Variants in CSMD2 observed in about 807,000 individuals in gnomAD.
CSMD2 encodes the protein CUB and Sushi multiple domains 2.
Under a neutral mutation model 398.5 loss-of-function variants are expected in CSMD2, and 130 were observed. The ratio of observed to expected loss-of-function variants is 0.33; its 90% confidence interval spans 0.28 to 0.38. The LOEUF (loss-of-function observed/expected upper bound fraction) is 0.38, where lower values mean the gene tolerates loss of function less well. Ranked by LOEUF, CSMD2 falls within the 10% of genes least tolerant of loss-of-function variation. The probability of loss-of-function intolerance (pLI) is 1.00; values close to 1 mark genes in which losing one functional copy is unlikely to be tolerated. For synonymous variants in CSMD2, 1,828 were observed against 1,908.5 expected (o/e 0.96, Z 1.10); for missense variants, 3,829 against 4,764.9 (o/e 0.80, Z 5.78).
intron 3 of CSMD2, among the ~76,000 whole-genome samples, chr1:33,941,095 G>C (rs1165320078): frequency 6.6e-6 from 1 of 152,154 alleles, no homozygotes; most frequent in Non-Finnish European, 1.5e-5. Flanking sequence ...TGAAGAGGGG[G>C]ATATTTACAT....
At position 33,820,501 on chromosome 1, in the gene CSMD2, G is replaced by T. The variant is rs370581773; in HGVS notation, c.1167C>A (p.Pro389=). The T allele has an allele frequency of 1.6e-5, 26 of 1,608,864 alleles. No individual in the cohort carries two copies. The highest frequency in any genetic ancestry group is 2.2e-5 in the Non-Finnish European group (26 of 1,177,610). The change falls in exon 8 of 71, where the codon CCC becomes CCA. Residue 389 remains proline (P), a synonymous_variant. Transcript: ENST00000373381. ...CCGAGCCTAGTCTTTTGCCCCTTTC[G>T]GGTATGCCAGGGTCTGGACACATAT... ...GHNMCPDPGI[P]ERGKRLGSDF...
chr1:33,772,579 T>A lies in CSMD2; in HGVS notation c.1836A>T (p.Pro612=). The A allele has an allele frequency of 6.2e-7, 1 of 1,613,466 alleles. No homozygotes were observed. The highest frequency in any genetic ancestry group is 1.1e-5 in the South Asian group (1 of 91,044). The change falls in exon 13 of 71, where the codon CCA becomes CCT. Residue 612 remains proline, a synonymous_variant. Transcript: ENST00000373381. Reference sequence around the variant, plus strand: ...TCCCTGCTCACTTACACACGCAGCCTGGCTTCTTAGCCGACCATTGGTTAT... The same window carrying A: ...TCCCTGCTCACTTACACACGCAGCCAGGCTTCTTAGCCGACCATTGGTTAT... ...QKNNQWSAKK[P]GCVFSCFFNF...
intron 44 of CSMD2, chr1:33,592,379 T>A (rs1639519488): frequency 2.8e-6 from 2 of 715,426 alleles, no homozygotes; most frequent in African/African-American, 3.5e-5. Context: ...AACATCTGAT[T>A]GCCCCTGCTG....
At chr1:33,819,336 C>T (rs1187098000) in intron 9 of CSMD2, among the ~76,000 whole-genome samples, 2 of 152,152 alleles carry the variant, frequency 1.3e-5, no homozygotes, top group Admixed American at 1.3e-4. Context: ...GTTCAAGATG[C>T]ATGTGTGTTG....
intron 13 of CSMD2, among the ~76,000 whole-genome samples, chr1:33,765,047 G>A (rs1303648739): frequency 2.6e-5 from 4 of 152,178 alleles, no homozygotes; most frequent in Admixed American, 6.5e-5. Context: ...AGAAAACCAT[G>A]GAGCTGTTAT....
chr1:33,586,879 A>T (rs1557580168), intron 45 of CSMD2, among the ~76,000 whole-genome samples: 1 of 152,232 alleles, frequency 6.6e-6, no homozygotes, highest in African/African-American at 2.4e-5. Flanking sequence ...ACTTGAACCA[A>T]AAAAAGAAAA....
intron 1 of CSMD2, among the ~76,000 whole-genome samples, chr1:34,136,212 C>T (rs1426916061): frequency 3.3e-5 from 5 of 152,174 alleles, no homozygotes; most frequent in African/African-American, 7.2e-5. Context: ...TTTCACTGAA[C>T]TGGTGACTTT....
At chr1:33,927,039 A>G (rs940359975) in intron 4 of CSMD2, among the ~76,000 whole-genome samples, 9 of 152,310 alleles carry the variant, frequency 5.9e-5, no homozygotes, top group African/African-American at 2.2e-4. Context: ...AGGACCCCTC[A>G]GCCTCTGTGG....
At chr1:33,539,807 T>TA (rs1656161781) in intron 60 of CSMD2, among the ~76,000 whole-genome samples, 3 of 152,218 alleles carry the variant, frequency 2.0e-5, no homozygotes. Flanking sequence ...TTGCACCAAA[T>TA]ACCTGTGTCC....
chr1:34,053,915 T>C (rs969136862), intron 2 of CSMD2, among the ~76,000 whole-genome samples: 1 of 152,196 alleles, frequency 6.6e-6, no homozygotes, highest in African/African-American at 2.4e-5. Flanking sequence ...AATAGGGCTC[T>C]AGCAGCCTGC....
intron 44 of CSMD2, among the ~76,000 whole-genome samples, chr1:33,587,815 C>T (rs1639187181): frequency 6.6e-6 from 1 of 152,170 alleles, no homozygotes. Context: ...ATGCTATTTA[C>T]TGAGGCTAAG....
At chr1:34,122,408 C>G (rs1395354484) in intron 1 of CSMD2, among the ~76,000 whole-genome samples, 1 of 152,124 alleles carries the variant, frequency 6.6e-6, no homozygotes, top group Non-Finnish European at 1.5e-5. Context: ...TGGGCTGCGT[C>G]CAAGAGTAGC....
chr1:34,070,620 A>G lies in CSMD2; in HGVS notation c.404+18357T>C, dbSNP rs147077168. On this transcript the variant is annotated intron_variant, in intron 2 of 70. Coordinates refer to ENST00000373381, the MANE Select transcript of CSMD2 (RefSeq NM_001281956.2). Reference sequence around the variant, plus strand: ...TTGAGAGGAGTAACACTGGGCACTTACATGGGTGGAGCTTTGCGGTAGTGG... The same window carrying G: ...TTGAGAGGAGTAACACTGGGCACTTGCATGGGTGGAGCTTTGCGGTAGTGG... Among the ~76,000 whole-genome samples, 282 of 152,352 alleles carry G rather than the reference A, an allele frequency of 1.9e-3. 1 individual carries two copies. The highest frequency in any genetic ancestry group is 6.3e-3 in the African/African-American group (263 of 41,586).
rs543996055 is a variant in CSMD2 at position 33,577,052 on chromosome 1, A to T, written c.7576+244T>A. Among the ~76,000 whole-genome samples, 7 of 152,260 alleles carry T rather than the reference A, an allele frequency of 4.6e-5. No individual in the cohort carries two copies. In the South Asian group the frequency reaches 1.5e-3, roughly 32 times the overall value. ...CCTCTGGGCTCCCACAACACTGATT[A>T]TGCTCCTGACACGACACTTCCTTCC... is the stretch of plus-strand genomic sequence containing the variant. On this transcript the variant is annotated intron_variant, in intron 49 of 70. Transcript: ENST00000373381.
Position 33,533,417 on chromosome 1 carries a change from G to A in CSMD2, c.9992-188C>T, listed in dbSNP as rs1655445122. Among the ~76,000 whole-genome samples the A allele has an allele frequency of 1.3e-5, 2 of 152,162 alleles. No homozygotes were observed. The highest frequency in any genetic ancestry group is 4.1e-4 in the South Asian group (2 of 4,826). On this transcript the variant is annotated intron_variant, in intron 63 of 70. Transcript: ENST00000373381. This position sits in a 1 kb window ranked among gnomAD's most constrained non-coding sequence, Gnocchi z 4.2. ...TGTGTCTAGAGGAATGGCCAAGATG[G>A]AGATCATGTGGATATCGGCTTGGTT...
intron 10 of CSMD2, among the ~76,000 whole-genome samples, chr1:33,809,898 T>G (rs1656661321): frequency 6.6e-6 from 1 of 152,072 alleles, no homozygotes; most frequent in African/African-American, 2.4e-5. Flanking sequence ...TTAAAAGATT[T>G]GATTTATAAT....
intron 3 of CSMD2, among the ~76,000 whole-genome samples, chr1:33,991,444 G>A (rs1260528704): frequency 6.6e-6 from 1 of 152,216 alleles, no homozygotes; most frequent in African/African-American, 2.4e-5. Context: ...GAACTTGAAA[G>A]TGTGGGCTAG....
chr1:33,798,305 T>C (rs2124907917), intron 10 of CSMD2, among the ~76,000 whole-genome samples: 1 of 152,326 alleles, frequency 6.6e-6, no homozygotes, highest in East Asian at 1.9e-4. Context: ...AAACCCATCA[T>C]CTAGGACATA....
At chr1:33,586,771 C>T (rs1036197196) in intron 45 of CSMD2, among the ~76,000 whole-genome samples, 154 bp from the exon 46 acceptor site, 4 of 152,212 alleles carry the variant, frequency 2.6e-5, no homozygotes, top group African/African-American at 9.6e-5. Context: ...GACGACTGCT[C>T]CCCTCTCACA....
Sources: gnomAD v4.1 joint callset for allele counts (sites outside exome capture counted in the v4.1 genomes callset) on GRCh38, gnomAD v4.1.1 for gene constraint, Gnocchi (gnomAD v3.1) non-coding constraint, MANE v1.5 for transcripts, NCBI Gene and HGNC (gene_info 2026-07-23, HGNC 2026-07-21) for gene names.